MAP3K7: variants seen among roughly 807,000 people sequenced by gnomAD.
MAP3K7 encodes TGF-beta activated kinase 1.
In MAP3K7, 21 loss-of-function variants were observed where a neutral mutation model predicts 84.8. That is an observed-to-expected ratio of 0.25 (90% CI 0.18 to 0.36). The LOEUF is 0.36. Among genes scored for constraint, MAP3K7 ranks in the 10% least tolerant of loss-of-function variants. MAP3K7 has a pLI of 1.00. For missense variants in MAP3K7, 503 were observed against 747.7 expected (o/e 0.67, Z 3.82); for synonymous variants, 241 against 247.7 (o/e 0.97, Z 0.25).
intron 14 of MAP3K7, 51 bp downstream of exon 14, chr6:90,523,627 T>C (rs1582161665): frequency 8.2e-7 from 1 of 1,222,472 alleles, no homozygotes; most frequent in Non-Finnish European, 1.2e-6. Context: ...GCCAAATGAA[T>C]ATAAACATGA....
chr6:90,554,303 C>T (rs1776269506), intron 6 of MAP3K7, among the ~76,000 whole-genome samples: 1 of 152,168 alleles, frequency 6.6e-6, no homozygotes, highest in African/African-American at 2.4e-5. Context: ...TTTAGTGTTA[C>T]AGTTTTTTCC....
At chr6:90,566,956 A>G (rs1776727698) in intron 3 of MAP3K7, among the ~76,000 whole-genome samples, 1 of 152,238 alleles carries the variant, frequency 6.6e-6, no homozygotes, top group Non-Finnish European at 1.5e-5. Context: ...AAAACAAGAA[A>G]TGGGGAAAGG....
At chr6:90,571,025 A>G (rs755490950) in intron 2 of MAP3K7, among the ~76,000 whole-genome samples, 1 of 152,198 alleles carries the variant, frequency 6.6e-6, no homozygotes, top group Non-Finnish European at 1.5e-5. Context: ...ATATTTTGAA[A>G]TTATGATTAA....
At chr6:90,522,956 T>A (rs9353738) in intron 14 of MAP3K7, among the ~76,000 whole-genome samples, 4,105 of 152,270 alleles carry the variant, frequency 0.027, 68 homozygotes, top group Middle Eastern at 0.044. Context: ...AAAAATTTCA[T>A]AAGTACACTT....
chr6:90,563,026 G>C (rs897641788), intron 3 of MAP3K7, among the ~76,000 whole-genome samples: 1 of 152,116 alleles, frequency 6.6e-6, no homozygotes, highest in South Asian at 2.1e-4. Context: ...CTGTTAGAAG[G>C]AAAACTAATA....
chr6:90,576,367 G>A (rs947384060), intron 1 of MAP3K7, among the ~76,000 whole-genome samples: 4 of 151,520 alleles, frequency 2.6e-5, no homozygotes, highest in Admixed American at 2.0e-4. Flanking sequence ...AGGTTGCAGT[G>A]AGCCGAGATC....
At position 90,586,823 on chromosome 6, in the gene MAP3K7, C is replaced by T. The variant is rs1201891278; in HGVS notation, c.61G>A (p.Ala21Thr). The T allele has an allele frequency of 6.2e-7, 1 of 1,610,916 alleles. No individual in the cohort carries two copies. Among genetic ancestry groups the T allele is most frequent in the Admixed American group, 1.7e-5 (1 of 59,832 alleles). The change falls in exon 1 of 17, where the codon GCC (alanine) becomes ACC (threonine). Residue 21 changes from alanine to threonine, a missense_variant. Coordinates refer to ENST00000369329, the MANE Select transcript of MAP3K7 (RefSeq NM_145331.3). ...SSSSAGEMIE[A>T]PSQVLNFEEI... ...TCAAAGTTGAGGACCTGGGAAGGGG[C>T]TTCGATCATCTCACCGGCCGAAGAC...
In MAP3K7 at chr6:90,585,151, A is replaced by C. The variant is rs116414623; in HGVS notation, c.120+1613T>G. 2.6e-3 allele frequency among the ~76,000 whole-genome samples: 394 copies of C among 152,284 alleles called. 3 individuals are homozygous for C. Among genetic ancestry groups the C allele is most frequent in the African/African-American group, 9.2e-3 (381 of 41,548 alleles). Reference sequence around the variant, plus strand: ...AATTTATTAGCCCTTTCTTAGAGTAAACTAAAATTCAAAGGGGTTAGGAAA... The same window carrying C: ...AATTTATTAGCCCTTTCTTAGAGTACACTAAAATTCAAAGGGGTTAGGAAA... On this transcript the variant is annotated intron_variant, in intron 1 of 16. Transcript: ENST00000369329.
intron 13 of MAP3K7, among the ~76,000 whole-genome samples, chr6:90,529,670 C>T (rs1197541621): frequency 6.6e-6 from 1 of 152,144 alleles, no homozygotes; most frequent in Admixed American, 6.5e-5. Flanking sequence ...AAATGATGTA[C>T]ATGAAATGTC....
chr6:90,571,425 C>G lies in MAP3K7; in HGVS notation c.231+272G>C, dbSNP rs147294170. Among the ~76,000 whole-genome samples, 575 of 152,026 alleles carry G rather than the reference C, an allele frequency of 3.8e-3. 2 individuals are homozygous for G. The highest frequency in any genetic ancestry group is 6.8e-3 in the Non-Finnish European group (464 of 67,932). On this transcript the variant is annotated intron_variant, in intron 2 of 16. Transcript: ENST00000369329. ...TCTATTTTAAAATTAAAATATTACG[C>G]CTTGAAATAGATCTGAATTCCATGG... is the stretch of plus-strand genomic sequence containing the variant.
chr6:90,518,637 A>G, intron 15 of MAP3K7, 75 bp from the exon 16 acceptor site: 1 of 760,242 alleles, frequency 1.3e-6, no homozygotes, highest in Non-Finnish European at 2.3e-6. Flanking sequence ...GTCAAGACAG[A>G]GACTGTGATA....
intron 5 of MAP3K7, among the ~76,000 whole-genome samples, chr6:90,557,844 A>G (rs1266958630): frequency 1.3e-5 from 2 of 152,242 alleles, no homozygotes; most frequent in Non-Finnish European, 2.9e-5. Flanking sequence ...CACTGTTAAG[A>G]TTAAAAACAC....
chr6:90,525,866 C>A lies in MAP3K7; in HGVS notation c.1357-2083G>T, dbSNP rs1775304555. Among the ~76,000 whole-genome samples, 3 of 151,524 alleles carry A rather than the reference C, an allele frequency of 2.0e-5. No individual in the cohort carries two copies. The South Asian group carries it at 6.3e-4, about 32-fold the overall frequency. The stretch of plus-strand genomic sequence containing the variant: ...GCAGGTATAAGCCACTGTGCCTGGC[C>A]AACAATTCAAAATTTATATGCTGTA... On this transcript the variant is annotated intron_variant, in intron 13 of 16. Coordinates refer to ENST00000369329, the MANE Select transcript of MAP3K7 (RefSeq NM_145331.3).
At chr6:90,538,707 T>C (rs529846074) in intron 12 of MAP3K7, among the ~76,000 whole-genome samples, 83 of 151,906 alleles carry the variant, frequency 5.5e-4, no homozygotes, top group Non-Finnish European at 1.1e-3. Context: ...AGTAATGTCA[T>C]TAAAACAGAG....
rs1777474808 is a variant in MAP3K7 at position 90,586,781 on chromosome 6, C to G, written c.103G>C (p.Glu35Gln). Residue 35 changes from glutamate to glutamine, a missense_variant, in exon 1 of 17, where the codon GAG (glutamate) becomes CAG (glutamine). Glu to Gln is a conservative substitution (Grantham distance 29). This residue lies in a region of MAP3K7 where 41 missense variants were observed against 41.4 expected (regional missense o/e 0.99). Transcript: ENST00000369329. ...TCGCTCACCTCTTCCACCTCGATCTCCTTGTAGTCGATCTCTTCAAAGTTG... is the reference window on the plus strand; with the variant it reads ...TCGCTCACCTCTTCCACCTCGATCTGCTTGTAGTCGATCTCTTCAAAGTTG... ...VLNFEEIDYK[E>Q]IEVEEVVGRG... 6.2e-7 allele frequency: 1 copy of G among 1,604,814 alleles called. No homozygotes were observed. Among genetic ancestry groups the G allele is most frequent in the Admixed American group, 1.7e-5 (1 of 58,716 alleles).
chr6:90,519,504 T>A (rs1775078696), intron 14 of MAP3K7, among the ~76,000 whole-genome samples, 185 bp from the exon 15 acceptor site: 1 of 152,022 alleles, frequency 6.6e-6, no homozygotes, highest in Admixed American at 6.6e-5. Flanking sequence ...TATTCAATTA[T>A]CAGATATTAG....
chr6:90,558,309 G>A (rs1043833863), intron 5 of MAP3K7, among the ~76,000 whole-genome samples: 5 of 151,866 alleles, frequency 3.3e-5, no homozygotes, highest in African/African-American at 1.2e-4. Context: ...GCGACAGAGC[G>A]AGACTGTGTC....
At chr6:90,536,287 G>A in intron 13 of MAP3K7, 50 bp downstream of exon 13, 1 of 1,443,016 alleles carries the variant, frequency 6.9e-7, no homozygotes, top group Non-Finnish European at 9.7e-7. Flanking sequence ...GTTAATTCTT[G>A]TTTTCTGCCT....
Position 90,513,710 on chromosome 6 carries a change from T to A in MAP3K7, c.*2791A>T, listed in dbSNP as rs537145209. On this transcript the variant is annotated 3_prime_UTR_variant, in exon 17 of 17. Transcript: ENST00000369329. Reference sequence around the variant, plus strand: ...ATGTTCTGAATGACAGAAGTAGAAGTAGAACTTACTACCATTTGAAGACAG... The same window carrying A: ...ATGTTCTGAATGACAGAAGTAGAAGAAGAACTTACTACCATTTGAAGACAG... 1 of 152,232 alleles carries A rather than the reference T, an allele frequency of 6.6e-6. No individual in the cohort carries two copies. Among genetic ancestry groups the A allele is most frequent in the African/African-American group, 2.4e-5 (1 of 41,562 alleles). The allele number at this position is 152,232 out of a possible 1,614,324, so 9.4% of individuals were successfully genotyped here.
Sources: allele counts gnomAD v4.1 joint callset (sites outside exome capture counted in the v4.1 genomes callset), GRCh38; gene constraint gnomAD v4.1.1; regional missense constraint gnomAD v4.1.1; transcripts MANE v1.5; gene names NCBI Gene and HGNC (gene_info 2026-07-23, HGNC 2026-07-21).